DLG2: variants seen among roughly 807,000 people sequenced by gnomAD.
DLG2 encodes the protein discs large MAGUK scaffold protein 2.
DLG2 carries 45 observed loss-of-function variants against 132.5 expected under a neutral mutation model. That is an observed-to-expected ratio of 0.34 (90% CI 0.27 to 0.44). The LOEUF is 0.44. DLG2 is among the 20% of genes least tolerant of loss of function. The pLI is 1.00. For missense variants in DLG2, 1,045 were observed against 1,196.9 expected (o/e 0.87, Z 1.87); for synonymous variants, 424 against 419.6 (o/e 1.01, Z -0.13).
intron 7 of DLG2, among the ~76,000 whole-genome samples, chr11:84,405,281 T>C (rs769931371): frequency 5.3e-5 from 8 of 152,198 alleles, no homozygotes; most frequent in Non-Finnish European, 1.0e-4. Context: ...AACCTTAGTA[T>C]CTCCATCCTT....
At position 84,430,835 on chromosome 11, in the gene DLG2, C is replaced by T. The variant is rs146781635; in HGVS notation, c.519+103735G>A. Among the ~76,000 whole-genome samples, 460 of 152,344 alleles carry T rather than the reference C, an allele frequency of 3.0e-3. 1 individual carries two copies. The highest frequency in any genetic ancestry group is 5.0e-3 in the Admixed American group (77 of 15,298). ...AGAACTGCAGCAGGGCTGCGTTCAGCATGGACAAACACCTGTCCTCTCTGT... is the reference window on the plus strand; with the variant it reads ...AGAACTGCAGCAGGGCTGCGTTCAGTATGGACAAACACCTGTCCTCTCTGT... On this transcript the variant is annotated intron_variant, in intron 7 of 27. Coordinates refer to ENST00000376104, the MANE Select transcript of DLG2 (RefSeq NM_001142699.3).
intron 3 of DLG2, among the ~76,000 whole-genome samples, chr11:85,496,805 T>A (rs2153116079): frequency 6.6e-6 from 1 of 152,158 alleles, no homozygotes; most frequent in South Asian, 2.1e-4. Context: ...CAGACCTCCA[T>A]CAAACTCCAA....
At chr11:83,640,155 G>A (rs2066062201) in intron 18 of DLG2, among the ~76,000 whole-genome samples, 1 of 152,312 alleles carries the variant, frequency 6.6e-6, no homozygotes, top group Non-Finnish European at 1.5e-5. Flanking sequence ...CCAAGCAACA[G>A]AGACTGCTTT....
chr11:83,610,844 C>T (rs1348350885), intron 19 of DLG2, among the ~76,000 whole-genome samples: 2 of 152,072 alleles, frequency 1.3e-5, no homozygotes, highest in Admixed American at 1.3e-4. Flanking sequence ...AAAACTGAGA[C>T]TTAGAGAAAA....
intron 6 of DLG2, among the ~76,000 whole-genome samples, chr11:84,975,275 T>C (rs1703233969): frequency 6.6e-6 from 1 of 152,208 alleles, no homozygotes; most frequent in Admixed American, 6.5e-5. Flanking sequence ...GCTAATAATA[T>C]ACACTTTCAA....
rs115334448 is a variant in DLG2, at chr11:85,570,484, G to A, written c.40+28173C>T. The stretch of plus-strand genomic sequence containing the variant: ...TCCTATTAGACTCCCTTGTACTAAT[G>A]AGTTGCTTCTCTCTTTCTTCTTTTA... On this transcript the variant is annotated intron_variant, in intron 3 of 27. Coordinates refer to ENST00000376104, the MANE Select transcript of DLG2 (RefSeq NM_001142699.3). Among the ~76,000 whole-genome samples the A allele has an allele frequency of 9.0e-3, 1,373 of 152,192 alleles. 13 individuals carry two copies. The highest frequency in any genetic ancestry group is 0.031 in the African/African-American group (1,295 of 41,534).
rs188951472 is a variant in DLG2, at chr11:83,852,320, C to T, written c.1566-18550G>A. ...ACTGAGGCTGACTCAATCCCTATGA[C>T]CTGTCACTTCAGAAAATGGATTTGA... On this transcript the variant is annotated intron_variant, in intron 16 of 27. Coordinates refer to ENST00000376104, the MANE Select transcript of DLG2 (RefSeq NM_001142699.3). Among the ~76,000 whole-genome samples, 133 of 152,282 alleles carry T rather than the reference C, an allele frequency of 8.7e-4. 1 individual carries two copies. Among genetic ancestry groups the T allele is most frequent in the African/African-American group, 3.1e-3 (127 of 41,546 alleles).
At chr11:84,664,949 A>G (rs1012719478) in intron 6 of DLG2, among the ~76,000 whole-genome samples, 1 of 152,036 alleles carries the variant, frequency 6.6e-6, no homozygotes, top group African/African-American at 2.4e-5. Context: ...GTGGAATATG[A>G]GTAGGTATGA....
intron 6 of DLG2, among the ~76,000 whole-genome samples, chr11:84,775,084 C>A (rs56339135): frequency 6.6e-6 from 1 of 151,726 alleles, no homozygotes; most frequent in African/African-American, 2.4e-5. Flanking sequence ...ATTCAACCAA[C>A]GAAAAGCTAA....
At chr11:85,485,215 G>T (rs286505) in intron 3 of DLG2, among the ~76,000 whole-genome samples, 57 of 148,208 alleles carry the variant, frequency 3.8e-4, no homozygotes, top group East Asian at 3.4e-3. Context: ...GGTGGGGAGA[G>T]GGGGGAGGGA....
chr11:84,897,878 T>C (rs2154068452), intron 6 of DLG2, among the ~76,000 whole-genome samples: 1 of 151,938 alleles, frequency 6.6e-6, no homozygotes, highest in South Asian at 2.1e-4. Flanking sequence ...CCAGAGATAA[T>C]ATGGAACACA....
chr11:83,646,244 C>G (rs936906603), intron 18 of DLG2, among the ~76,000 whole-genome samples: 2 of 152,030 alleles, frequency 1.3e-5, no homozygotes, highest in African/African-American at 4.8e-5. Flanking sequence ...TTTAGTGTTC[C>G]TTGCCCAAAC....
At chr11:83,472,939 A>G (rs1223288455) in intron 22 of DLG2, among the ~76,000 whole-genome samples, 162 bp from the exon 23 acceptor site, 1 of 152,126 alleles carries the variant, frequency 6.6e-6, no homozygotes, top group Non-Finnish European at 1.5e-5. Context: ...AAAACTCTTT[A>G]GCACCATTTT....
chr11:85,552,699 A>G (rs1250905713), intron 3 of DLG2, among the ~76,000 whole-genome samples: 1 of 151,568 alleles, frequency 6.6e-6, no homozygotes, highest in African/African-American at 2.4e-5. Context: ...AAAAACTATT[A>G]CATGGGAAGA....
intron 4 of DLG2, among the ~76,000 whole-genome samples, chr11:85,208,409 T>C (rs936864368): frequency 3.3e-5 from 5 of 152,096 alleles, no homozygotes; most frequent in Non-Finnish European, 5.9e-5. Flanking sequence ...TAGCGTATAC[T>C]AAGATACCTT....
intron 10 of DLG2, among the ~76,000 whole-genome samples, chr11:84,083,713 G>C (rs1168760636): frequency 1.3e-5 from 2 of 152,092 alleles, no homozygotes; most frequent in African/African-American, 4.8e-5. Flanking sequence ...TCAGATGCTG[G>C]TACCATGCTC....
intron 6 of DLG2, among the ~76,000 whole-genome samples, chr11:84,948,213 G>A (rs548297399): frequency 7.5e-4 from 115 of 152,326 alleles, no homozygotes; most frequent in Non-Finnish European, 1.3e-3. Flanking sequence ...CCTTCCCATA[G>A]CAGACTAACT....
intron 6 of DLG2, among the ~76,000 whole-genome samples, chr11:84,779,021 T>C (rs2153903979): frequency 6.6e-6 from 1 of 152,302 alleles, no homozygotes. Context: ...CTTCAGCCAC[T>C]GATGAAAGCC....
chr11:84,174,529 G>A (rs1214009358), intron 8 of DLG2, among the ~76,000 whole-genome samples: 1 of 152,010 alleles, frequency 6.6e-6, no homozygotes, highest in African/African-American at 2.4e-5. Context: ...TGCCACATAC[G>A]CTGCCTTAAA....
Sources: allele counts gnomAD v4.1 joint callset (sites outside exome capture counted in the v4.1 genomes callset), GRCh38; gene constraint gnomAD v4.1.1; transcripts MANE v1.5; gene names NCBI Gene and HGNC (gene_info 2026-07-23, HGNC 2026-07-21).